Variants in LNX1 observed in about 807,000 individuals in gnomAD.
LNX1 encodes E3 ubiquitin-protein ligase LNX.
Under a neutral mutation model 68.4 loss-of-function variants are expected in LNX1, and 54 were observed. The observed-to-expected ratio is 0.79, with a 90% CI of 0.63 to 0.99. The LOEUF is 0.99. Among genes scored for constraint, LNX1 ranks in the 50% least tolerant of loss-of-function variants. The pLI, the probability that LNX1 is intolerant of heterozygous loss-of-function variation, is 0.00. For missense variants in LNX1, 906 were observed against 926.4 expected (o/e 0.98, Z 0.29); for synonymous variants, 336 against 350.0 (o/e 0.96, Z 0.45).
At chr4:53,553,576 A>G (rs1360169787) in intron 2 of LNX1, among the ~76,000 whole-genome samples, 1 of 152,210 alleles carries the variant, frequency 6.6e-6, no homozygotes, top group African/African-American at 2.4e-5. Context: ...TTCCATGCTC[A>G]TGCCCATGAT....
At chr4:53,573,102 C>T (rs1560674631) in intron 2 of LNX1, among the ~76,000 whole-genome samples, 1 of 152,188 alleles carries the variant, frequency 6.6e-6, no homozygotes, top group Non-Finnish European at 1.5e-5. Context: ...GTATATTTCA[C>T]ATTTCAAAAC....
At chr4:53,622,615 C>G (rs1733926685) in intron 1 of LNX1, among the ~76,000 whole-genome samples, 1 of 152,150 alleles carries the variant, frequency 6.6e-6, no homozygotes, top group Non-Finnish European at 1.5e-5. Context: ...GCCAAATCCT[C>G]TTATTACAAC....
At chr4:53,581,743 TG>T (rs2109799258) in intron 1 of LNX1, among the ~76,000 whole-genome samples, 1 of 152,152 alleles carries the variant, frequency 6.6e-6, no homozygotes, top group Non-Finnish European at 1.5e-5. Context: ...CCACAACATG[TG>T]GGGATTATGG....
intron 1 of LNX1, among the ~76,000 whole-genome samples, chr4:53,582,726 T>A (rs1354630632): frequency 6.6e-6 from 1 of 152,190 alleles, no homozygotes; most frequent in Non-Finnish European, 1.5e-5. Flanking sequence ...TGTTTTTTTT[T>A]TAATTGTTGA....
chr4:53,641,326 G>A (rs1290571485), intron 1 of LNX1, among the ~76,000 whole-genome samples: 1 of 152,218 alleles, frequency 6.6e-6, no homozygotes, highest in South Asian at 2.1e-4. Flanking sequence ...GATAAGAGGC[G>A]CTCTTCAGAG....
intron 2 of LNX1, among the ~76,000 whole-genome samples, chr4:53,564,676 G>C (rs905141923): frequency 1.8e-4 from 28 of 152,046 alleles, no homozygotes; most frequent in African/African-American, 6.8e-4. Flanking sequence ...CTGGTCTACA[G>C]CTCCCAGCCT....
At chr4:53,578,468 T>C (rs926352496) in intron 1 of LNX1, among the ~76,000 whole-genome samples, 1 of 152,248 alleles carries the variant, frequency 6.6e-6, no homozygotes, top group African/African-American at 2.4e-5. Flanking sequence ...AGTATTTATA[T>C]ATCTAAACAT....
upstream of LNX1, among the ~76,000 whole-genome samples, chr4:53,592,779 G>A (rs1387337019): frequency 4.6e-5 from 7 of 152,140 alleles, no homozygotes; most frequent in Non-Finnish European, 8.8e-5. Flanking sequence ...ATGGGAGAGG[G>A]AAGAAAAGGA....
At chr4:53,587,171 G>A (rs1003816659) in intron 1 of LNX1, among the ~76,000 whole-genome samples, 2 of 152,162 alleles carry the variant, frequency 1.3e-5, no homozygotes, top group African/African-American at 4.8e-5. Flanking sequence ...GTGTATCTGT[G>A]TAACTAACCA....
At chr4:53,534,716 G>T (rs1181302927) in intron 2 of LNX1, among the ~76,000 whole-genome samples, 1 of 152,180 alleles carries the variant, frequency 6.6e-6, no homozygotes, top group African/African-American at 2.4e-5. Context: ...TTTGGGGGAG[G>T]ATGTAAATAT....
At chr4:53,471,912 T>C (rs1723217199) in intron 9 of LNX1, among the ~76,000 whole-genome samples, 1 of 152,200 alleles carries the variant, frequency 6.6e-6, no homozygotes, top group Non-Finnish European at 1.5e-5. Flanking sequence ...GTTCAACCAT[T>C]GTGGAAGTCA....
intron 9 of LNX1, among the ~76,000 whole-genome samples, chr4:53,472,407 C>T (rs1010916709): frequency 3.3e-5 from 5 of 151,830 alleles, no homozygotes; most frequent in African/African-American, 1.2e-4. Context: ...TTAATGGGTG[C>T]AGCACACCAG....
intron 9 of LNX1, among the ~76,000 whole-genome samples, chr4:53,472,435 T>C (rs1265105717): frequency 2.0e-5 from 3 of 151,796 alleles, no homozygotes; most frequent in Non-Finnish European, 4.4e-5. Flanking sequence ...CATGTATACA[T>C]ATGTAACTAA....
intron 2 of LNX1, among the ~76,000 whole-genome samples, chr4:53,544,944 C>A (rs1374621847): frequency 6.6e-6 from 1 of 152,166 alleles, no homozygotes; most frequent in Admixed American, 6.5e-5. Context: ...ATGCACTCGA[C>A]CAGCACGTCC....
upstream of LNX1, among the ~76,000 whole-genome samples, chr4:53,621,411 T>G (rs568305115): frequency 7.9e-5 from 12 of 152,322 alleles, no homozygotes; most frequent in African/African-American, 2.4e-4. Flanking sequence ...ACAGGGAGAC[T>G]GTTTTATTTT....
At chr4:53,572,786 G>T (rs769822088) in intron 2 of LNX1, among the ~76,000 whole-genome samples, 39 of 151,344 alleles carry the variant, frequency 2.6e-4, no homozygotes, top group African/African-American at 7.5e-4. Flanking sequence ...CACCAGTGTG[G>T]GTGTGTGTGT....
chr4:53,487,040 G>T (rs1441399890), intron 6 of LNX1, among the ~76,000 whole-genome samples: 4 of 152,188 alleles, frequency 2.6e-5, no homozygotes, highest in Admixed American at 6.5e-5. Flanking sequence ...TTTGTGTTCA[G>T]CCTGCAACTG....
At chr4:53,601,309 G>A (rs563856991) in intron 2 of LNX1, among the ~76,000 whole-genome samples, 2 of 152,268 alleles carry the variant, frequency 1.3e-5, no homozygotes, top group Non-Finnish European at 2.9e-5. Context: ...TGGCCAGACT[G>A]GTCCTTCCAG....
At chr4:53,611,850 C>T (rs1373268428) in intron 2 of LNX1, among the ~76,000 whole-genome samples, 1 of 151,910 alleles carries the variant, frequency 6.6e-6, no homozygotes, top group Non-Finnish European at 1.5e-5. Context: ...CAAACCCTCC[C>T]AATAAAAACT....
Sources: gnomAD v4.1 joint callset for allele counts (sites outside exome capture counted in the v4.1 genomes callset) on GRCh38, gnomAD v4.1.1 for gene constraint, MANE v1.5 for transcripts, NCBI Gene and HGNC (gene_info 2026-07-23, HGNC 2026-07-21) for gene names.